C8orf88: variants seen among roughly 807,000 people sequenced by gnomAD.
C8orf88 encodes the protein chromosome 8 open reading frame 88.
C8orf88 carries 14 observed loss-of-function variants against 18.4 expected under a neutral mutation model. The observed-to-expected ratio is 0.76, with a 90% CI of 0.50 to 1.19. C8orf88 has a LOEUF of 1.19. Among genes scored for constraint, C8orf88 ranks in the 50% most tolerant of loss-of-function variants. The pLI, the probability that C8orf88 is intolerant of heterozygous loss-of-function variation, is 0.00. For missense variants in C8orf88, 116 were observed against 134.7 expected, an observed-to-expected ratio of 0.86 and a Z score of 0.69; for synonymous variants, 45 against 42.9, an observed-to-expected ratio of 1.05 and a Z score of -0.19.
intron 4 of C8orf88, among the ~76,000 whole-genome samples, chr8:90,964,125 C>T (rs1682991101): frequency 6.6e-6 from 1 of 151,492 alleles, no homozygotes; most frequent in Admixed American, 6.6e-5. Context: ...CTCTCATAAC[C>T]AACATATTAT....
In C8orf88 at chr8:90,958,982, C is replaced by T. The variant is rs1811083488; in HGVS notation, c.*25G>A. The T allele has an allele frequency of 7.9e-6, 11 of 1,393,108 alleles. No homozygotes were observed. Among genetic ancestry groups the T allele is most frequent in the African/African-American group, 1.5e-5 (1 of 68,386 alleles). 86.3% of individuals were successfully genotyped at this position (1,393,108 alleles called of 1,614,324 possible). On this transcript the variant is annotated 3_prime_UTR_variant, in exon 6 of 6. Coordinates refer to ENST00000517562, the MANE Select transcript of C8orf88 (RefSeq NM_001190972.2). ...TCCACCTCATTTGCAGATGTCCAAACTTAAATTCATCTGTTCTTAAAATGC... is the reference window on the plus strand; with the variant it reads ...TCCACCTCATTTGCAGATGTCCAAATTTAAATTCATCTGTTCTTAAAATGC...
intron 3 of C8orf88, among the ~76,000 whole-genome samples, 182 bp from the exon 4 acceptor site, chr8:90,971,323 CAT>C (rs888401061): frequency 2.0e-5 from 3 of 151,424 alleles, no homozygotes; most frequent in Admixed American, 6.6e-5. Context: ...AATATATTCA[CAT>C]ATATCTACAG....
At chr8:90,980,784 C>CT (rs1182744951) in intron 1 of C8orf88, among the ~76,000 whole-genome samples, 1 of 152,150 alleles carries the variant, frequency 6.6e-6, no homozygotes, top group Non-Finnish European at 1.5e-5. Context: ...CTTAAAGCTC[C>CT]TGGGCTCAAG....
chr8:90,978,961 G>A (rs1283600454), intron 2 of C8orf88, among the ~76,000 whole-genome samples: 1 of 152,050 alleles, frequency 6.6e-6, no homozygotes, highest in Admixed American at 6.5e-5. Context: ...AAAGTACTAG[G>A]GCAAACGGAA....
At chr8:90,968,961 CAG>C (rs77578373) in intron 4 of C8orf88, among the ~76,000 whole-genome samples, 1 of 151,120 alleles carries the variant, frequency 6.6e-6, no homozygotes, top group East Asian at 2.0e-4. Flanking sequence ...TTATAATAAA[CAG>C]AGATAATAAT....
At chr8:90,984,226 G>A (rs947264771) in intron 1 of C8orf88, among the ~76,000 whole-genome samples, 3 of 152,156 alleles carry the variant, frequency 2.0e-5, no homozygotes, top group African/African-American at 7.2e-5. Context: ...GAAATGAAAA[G>A]ACCATATTTG....
At chr8:90,978,722 C>T in intron 2 of C8orf88, 70 bp from the exon 3 acceptor site, 1 of 868,914 alleles carries the variant, frequency 1.2e-6, no homozygotes, top group Non-Finnish European at 1.7e-6. Flanking sequence ...AACTAAAAAG[C>T]TTAAGTATCC....
At chr8:90,967,504 A>T (rs1811218684) in intron 4 of C8orf88, among the ~76,000 whole-genome samples, 2 of 151,746 alleles carry the variant, frequency 1.3e-5, no homozygotes, top group Admixed American at 1.3e-4. Flanking sequence ...TTTAGTAGAC[A>T]AGTGTTTAGT....
rs375961518 is a variant in C8orf88 at position 90,972,608 on chromosome 8, A to C, written c.148-1467T>G. ...ATAGCATGTAAAAAGTACACCTACA[A>C]AAAGTTTTATACAGTGATTATCTAT... On this transcript the variant is annotated intron_variant, in intron 3 of 5. Transcript: ENST00000517562. Among the ~76,000 whole-genome samples the C allele has an allele frequency of 1.3e-4, 20 of 152,228 alleles. No homozygotes were observed. In the South Asian group the frequency reaches 2.1e-3, roughly 16 times the overall value.
At chr8:90,962,286 T>C (rs889079882) in intron 4 of C8orf88, among the ~76,000 whole-genome samples, 1 of 151,576 alleles carries the variant, frequency 6.6e-6, no homozygotes, top group African/African-American at 2.4e-5. Context: ...CCCAATACCC[T>C]TTTTTCACGA....
At chr8:90,968,011 AAATTC>A (rs1252778646) in intron 4 of C8orf88, among the ~76,000 whole-genome samples, 1 of 151,800 alleles carries the variant, frequency 6.6e-6, no homozygotes, top group African/African-American at 2.4e-5. Context: ...AGTGATCTAT[AAATTC>A]AACGCTATCC....
At chr8:90,972,704 GA>G (rs1811299762) in intron 3 of C8orf88, among the ~76,000 whole-genome samples, 1 of 152,040 alleles carries the variant, frequency 6.6e-6, no homozygotes, top group African/African-American at 2.4e-5. Context: ...TATAGGTAAG[GA>G]AAATCAGACC....
In C8orf88 at chr8:90,962,809, T is replaced by C. The variant is rs919553170; in HGVS notation, c.224-1961A>G. 3.3e-5 allele frequency among the ~76,000 whole-genome samples: 5 copies of C among 151,686 alleles called. No individual in the cohort carries two copies. The Admixed American group carries it at 3.3e-4, about 10-fold the overall frequency. Reference sequence around the variant, plus strand: ...AAAGCTGCTGCCCAAAGTCCATTTGTCCAAACATTTACAGGAAAATGTATC... The same window carrying C: ...AAAGCTGCTGCCCAAAGTCCATTTGCCCAAACATTTACAGGAAAATGTATC... On this transcript the variant is annotated intron_variant, in intron 4 of 5. Transcript: ENST00000517562.
At chr8:90,965,809 G>A in intron 4 of C8orf88, among the ~76,000 whole-genome samples, 1 of 151,414 alleles carries the variant, frequency 6.6e-6, no homozygotes, top group Admixed American at 6.6e-5. Flanking sequence ...AAACAACAGG[G>A]GACTTAGAAA....
chr8:90,971,340 T>C (rs1156651785), intron 3 of C8orf88, among the ~76,000 whole-genome samples, 199 bp from the exon 4 acceptor site: 2 of 152,188 alleles, frequency 1.3e-5, no homozygotes, highest in South Asian at 4.1e-4. Context: ...CTACAGTTTT[T>C]TTGGCATTAT....
intron 4 of C8orf88, among the ~76,000 whole-genome samples, chr8:90,962,292 C>T (rs1008901177): frequency 7.3e-5 from 11 of 151,406 alleles, no homozygotes; most frequent in African/African-American, 1.9e-4. Flanking sequence ...ACCCTTTTTT[C>T]ACGAAACTCC....
intron 3 of C8orf88, among the ~76,000 whole-genome samples, chr8:90,975,065 A>G (rs1811328080): frequency 6.6e-6 from 1 of 152,204 alleles, no homozygotes; most frequent in Admixed American, 6.5e-5. Context: ...CCTATGCTGG[A>G]AAATACAAAG....
chr8:90,968,864 C>A (rs567269002), intron 4 of C8orf88, among the ~76,000 whole-genome samples: 1 of 150,604 alleles, frequency 6.6e-6, no homozygotes, highest in African/African-American at 2.4e-5. Flanking sequence ...AAATAGCCAA[C>A]AAGCACACGA....
intron 3 of C8orf88, among the ~76,000 whole-genome samples, chr8:90,973,633 C>T (rs1164443619): frequency 6.6e-6 from 1 of 152,122 alleles, no homozygotes; most frequent in Non-Finnish European, 1.5e-5. Context: ...CAGGCATATA[C>T]CACCATACCC....
Sources: gnomAD v4.1 joint callset for allele counts (sites outside exome capture counted in the v4.1 genomes callset) on GRCh38, gnomAD v4.1.1 for gene constraint, MANE v1.5 for transcripts, NCBI Gene and HGNC (gene_info 2026-07-23, HGNC 2026-07-21) for gene names.